Variants in IL1RAPL1 observed in about 807,000 individuals in gnomAD.
IL1RAPL1 encodes the protein interleukin 1 receptor accessory protein like 1.
Under a neutral mutation model 48.4 loss-of-function variants are expected in IL1RAPL1, and 3 were observed. The observed-to-expected ratio is 0.06, with a 90% CI of 0.03 to 0.16. The LOEUF is 0.16. IL1RAPL1 is among the 10% of genes least tolerant of loss of function. The pLI, the probability that IL1RAPL1 is intolerant of heterozygous loss-of-function variation, is 1.00. For synonymous variants in IL1RAPL1, 185 were observed against 187.7 expected (o/e 0.99, Z 0.12); for missense variants, 349 against 530.6 (o/e 0.66, Z 3.36).
At chrX:29,482,250 T>TATTA (rs1446763057) in intron 5 of IL1RAPL1, among the ~76,000 whole-genome samples, 3 of 111,724 alleles carry the variant, frequency 2.7e-5, no homozygotes, top group East Asian at 5.6e-4. Flanking sequence ...CAGCATAACA[T>TATTA]ATTAATGAAG....
At chrX:29,833,274 G>A (rs1930923271) in intron 6 of IL1RAPL1, among the ~76,000 whole-genome samples, 1 of 111,142 alleles carries the variant, frequency 9.0e-6, no homozygotes, top group Non-Finnish European at 1.9e-5. Context: ...ATGATAGATG[G>A]GTAGATAGAT....
At chrX:28,699,480 C>CAT (rs774583344) in intron 1 of IL1RAPL1, among the ~76,000 whole-genome samples, 7 of 112,557 alleles carry the variant, frequency 6.2e-5, no homozygotes, top group Non-Finnish European at 9.4e-5. Flanking sequence ...TAAATGGATA[C>CAT]ATATGGATAT....
At chrX:29,277,087 C>G (rs1282207077) in intron 2 of IL1RAPL1, among the ~76,000 whole-genome samples, 1 of 112,097 alleles carries the variant, frequency 8.9e-6, no homozygotes, top group East Asian at 2.8e-4. Flanking sequence ...TGAAAAAAGT[C>G]TTCAAAGTCA....
intron 5 of IL1RAPL1, among the ~76,000 whole-genome samples, chrX:29,638,211 AC>A (rs1180405872): frequency 9.2e-6 from 1 of 109,081 alleles, no homozygotes; most frequent in African/African-American, 3.4e-5. Flanking sequence ...CCATTGTGCC[AC>A]CTCACCTCCA....
intron 1 of IL1RAPL1, among the ~76,000 whole-genome samples, chrX:28,664,768 G>A (rs1298668748): frequency 1.8e-5 from 2 of 111,609 alleles, no homozygotes; most frequent in Non-Finnish European, 3.8e-5. Context: ...AAGACTAAAT[G>A]AACTTTTTCT....
At chrX:29,950,095 G>T (rs991533353) in intron 9 of IL1RAPL1, among the ~76,000 whole-genome samples, 2 of 111,720 alleles carry the variant, frequency 1.8e-5, no homozygotes, top group African/African-American at 6.5e-5. Flanking sequence ...CTTGAAAGAG[G>T]CTTTCTACCA....
chrX:29,372,877 C>G (rs1175874611), intron 3 of IL1RAPL1, among the ~76,000 whole-genome samples: 3 of 94,286 alleles, frequency 3.2e-5, no homozygotes, highest in African/African-American at 1.2e-4. Context: ...TGGCTTTGTT[C>G]TTTTTGCTTA....
intron 5 of IL1RAPL1, among the ~76,000 whole-genome samples, chrX:29,530,812 A>G (rs755396367): frequency 2.9e-4 from 33 of 112,157 alleles, no homozygotes; most frequent in Non-Finnish European, 6.0e-4. Context: ...TGAAATCTAC[A>G]CTGGAACTAG....
At chrX:28,896,004 C>T (rs752724725) in intron 2 of IL1RAPL1, among the ~76,000 whole-genome samples, 74 of 112,233 alleles carry the variant, frequency 6.6e-4, no homozygotes, top group African/African-American at 2.3e-3. Context: ...GGAGGAATCC[C>T]GGGCTGTGGG....
intron 4 of IL1RAPL1, among the ~76,000 whole-genome samples, chrX:29,398,757 T>C (rs1190735985): frequency 8.9e-6 from 1 of 112,248 alleles, no homozygotes; most frequent in Non-Finnish European, 1.9e-5. Flanking sequence ...TCAATATGGT[T>C]GATTTCACAA....
chrX:29,252,181 G>A (rs992570726), intron 2 of IL1RAPL1, among the ~76,000 whole-genome samples: 2 of 112,490 alleles, frequency 1.8e-5, no homozygotes, highest in Non-Finnish European at 3.7e-5. Flanking sequence ...CGAGTTAGTG[G>A]GTGCAGCACA....
chrX:29,412,890 G>A lies in IL1RAPL1; in HGVS notation c.703+13582G>A, dbSNP rs142277437. Among the ~76,000 whole-genome samples the A allele has an allele frequency of 3.5e-3, 392 of 112,176 alleles. 5 individuals carry two copies. The highest frequency in any genetic ancestry group is 0.012 in the African/African-American group (368 of 30,896). ...TAAATTAGCGCAGATGCATCAAACCGGACTGTGAAGGAATATACAAATGGA... is the reference window on the plus strand; with the variant it reads ...TAAATTAGCGCAGATGCATCAAACCAGACTGTGAAGGAATATACAAATGGA... On this transcript the variant is annotated intron_variant, in intron 5 of 10. Coordinates refer to ENST00000378993, the MANE Select transcript of IL1RAPL1 (RefSeq NM_014271.4).
At chrX:29,007,252 A>T in intron 2 of IL1RAPL1, among the ~76,000 whole-genome samples, 1 of 111,943 alleles carries the variant, frequency 8.9e-6, no homozygotes, top group African/African-American at 3.2e-5. Context: ...TGTTGCCAGT[A>T]ATACTAAGAT....
intron 2 of IL1RAPL1, among the ~76,000 whole-genome samples, chrX:28,812,176 A>G (rs1014817650): frequency 9.0e-6 from 1 of 111,141 alleles, no homozygotes; most frequent in Non-Finnish European, 1.9e-5. Context: ...AGAAACTTCT[A>G]TGTGCCTTTA....
intron 6 of IL1RAPL1, among the ~76,000 whole-genome samples, chrX:29,897,376 T>C (rs764092858): frequency 8.9e-6 from 1 of 112,340 alleles, no homozygotes; most frequent in Non-Finnish European, 1.9e-5. Context: ...AATAAAATGA[T>C]CTCTCAGAAT....
intron 1 of IL1RAPL1, among the ~76,000 whole-genome samples, chrX:28,764,814 C>T (rs746524897): frequency 3.7e-5 from 4 of 108,671 alleles, no homozygotes; most frequent in African/African-American, 6.9e-5. Context: ...CACACATGCA[C>T]GCAAACACAC....
intron 2 of IL1RAPL1, among the ~76,000 whole-genome samples, chrX:29,099,440 C>G (rs1359585757): frequency 8.9e-6 from 1 of 111,760 alleles, no homozygotes; most frequent in African/African-American, 3.3e-5. Flanking sequence ...GTACAAAACA[C>G]TTTATAAAAG....
At chrX:29,400,376 C>G (rs1459540828) in intron 5 of IL1RAPL1, among the ~76,000 whole-genome samples, 1 of 112,120 alleles carries the variant, frequency 8.9e-6, no homozygotes, top group Non-Finnish European at 1.9e-5. Context: ...GAATTATATC[C>G]AAATGTGCAT....
chrX:29,887,881 G>C (rs1273015953), intron 6 of IL1RAPL1, among the ~76,000 whole-genome samples: 1 of 111,213 alleles, frequency 9.0e-6, no homozygotes, highest in Non-Finnish European at 1.9e-5. Flanking sequence ...CAGAGAAGGA[G>C]AAAAGGGCTT....
Sources: gnomAD v4.1 joint callset for allele counts (sites outside exome capture counted in the v4.1 genomes callset) on GRCh38, gnomAD v4.1.1 for gene constraint, MANE v1.5 for transcripts, NCBI Gene and HGNC (gene_info 2026-07-23, HGNC 2026-07-21) for gene names.